The following SPOCK3 variants were observed in gnomAD, a reference collection of about 807,000 sequenced individuals.
The protein encoded by SPOCK3 is SPARC (osteonectin), cwcv and kazal like domains proteoglycan 3, also known as testican-3.
A neutral mutation model predicts 56.6 loss-of-function variants in SPOCK3; 30 were observed. The observed-to-expected ratio is 0.53, with a 90% confidence interval of 0.40 to 0.72. The LOEUF (loss-of-function observed/expected upper bound fraction) is 0.72. Ranked by LOEUF, SPOCK3 falls within the 30% of genes least tolerant of loss-of-function variation. The pLI, the probability that SPOCK3 is intolerant of heterozygous loss-of-function variation, is 0.00. For missense variants in SPOCK3, 527 were observed against 530.0 expected (o/e 0.99, Z 0.06); for synonymous variants, 196 against 183.3 (o/e 1.07, Z -0.56).
Position 166,800,933 on chromosome 4 carries a change from C to T in SPOCK3, c.590-8644G>A, listed in dbSNP as rs947051996. Among the ~76,000 whole-genome samples the T allele has an allele frequency of 7.9e-5, 12 of 152,216 alleles. No individual in the cohort carries two copies. In the East Asian group the frequency reaches 2.3e-3, roughly 29 times the overall value. ...TCATTCATGGTAAACGTCCTATATA[C>T]ATGTATCATTTTTAATCTTTTATAC... On this transcript the variant is annotated intron_variant, in intron 6 of 10. Transcript: ENST00000357545.
At chr4:166,954,994 A>C (rs898068962) in intron 4 of SPOCK3, among the ~76,000 whole-genome samples, 1 of 152,204 alleles carries the variant, frequency 6.6e-6, no homozygotes, top group Non-Finnish European at 1.5e-5. Flanking sequence ...AATTCACAGC[A>C]AAAACTTACA....
At chr4:166,853,331 CTAAATGGTT>C (rs1183548954) in intron 6 of SPOCK3, among the ~76,000 whole-genome samples, 1 of 152,062 alleles carries the variant, frequency 6.6e-6, no homozygotes, top group Non-Finnish European at 1.5e-5. Flanking sequence ...AGACTTTTTT[CTAAATGGTT>C]TACATCAATT....
chr4:167,122,446 A>T (rs1481469892), intron 2 of SPOCK3, among the ~76,000 whole-genome samples: 1 of 152,178 alleles, frequency 6.6e-6, no homozygotes. Context: ...TTTTGCTATT[A>T]TATTGCACTA....
At chr4:167,038,482 A>G (rs2150195625) in intron 3 of SPOCK3, among the ~76,000 whole-genome samples, 1 of 152,138 alleles carries the variant, frequency 6.6e-6, no homozygotes, top group East Asian at 1.9e-4. Context: ...CATTCCCGTG[A>G]TTCACTCCAC....
At chr4:166,783,941 C>T (rs1210290630) in intron 7 of SPOCK3, among the ~76,000 whole-genome samples, 3 of 151,848 alleles carry the variant, frequency 2.0e-5, no homozygotes, top group African/African-American at 7.3e-5. Flanking sequence ...TATTTTTCTG[C>T]AGATTTCTTA....
At chr4:166,828,100 C>T (rs1223655877) in intron 6 of SPOCK3, among the ~76,000 whole-genome samples, 1 of 151,912 alleles carries the variant, frequency 6.6e-6, no homozygotes, top group Admixed American at 6.6e-5. Flanking sequence ...TAATTACAAG[C>T]TTAATTAGTT....
At chr4:166,837,251 A>T (rs1746717040) in intron 6 of SPOCK3, among the ~76,000 whole-genome samples, 1 of 152,182 alleles carries the variant, frequency 6.6e-6, no homozygotes, top group East Asian at 1.9e-4. Flanking sequence ...TAGACACACC[A>T]GCTTTAGCCA....
At chr4:167,196,594 C>G (rs1472862480) in intron 2 of SPOCK3, among the ~76,000 whole-genome samples, 1 of 151,930 alleles carries the variant, frequency 6.6e-6, no homozygotes, top group East Asian at 1.9e-4. Context: ...CAAGATGAAT[C>G]ATCTGTCTGA....
intron 2 of SPOCK3, among the ~76,000 whole-genome samples, chr4:167,089,587 C>G (rs1311909833): frequency 6.6e-6 from 1 of 152,006 alleles, no homozygotes; most frequent in Non-Finnish European, 1.5e-5. Context: ...TTTTTAACCC[C>G]ACAAATCAGA....
At chr4:167,044,264 A>T (rs1753512415) in intron 3 of SPOCK3, among the ~76,000 whole-genome samples, 1 of 152,060 alleles carries the variant, frequency 6.6e-6, no homozygotes, top group South Asian at 2.1e-4. Context: ...TATCCTTTTA[A>T]TGTTCATGAA....
At chr4:167,002,929 T>G (rs950735351) in intron 3 of SPOCK3, among the ~76,000 whole-genome samples, 6 of 152,220 alleles carry the variant, frequency 3.9e-5, no homozygotes, top group Admixed American at 1.3e-4. Flanking sequence ...CTGTACTATA[T>G]GTACATATAT....
At chr4:167,196,148 A>G (rs1311400841) in intron 2 of SPOCK3, among the ~76,000 whole-genome samples, 1 of 152,188 alleles carries the variant, frequency 6.6e-6, no homozygotes, top group Non-Finnish European at 1.5e-5. Flanking sequence ...TTTGCAACCA[A>G]TTTGTATTCA....
intron 3 of SPOCK3, among the ~76,000 whole-genome samples, chr4:167,033,011 T>G (rs573293938): frequency 1.1e-4 from 17 of 152,134 alleles, no homozygotes; most frequent in African/African-American, 4.1e-4. Flanking sequence ...TAATTGTTCA[T>G]GCTTAGCAGA....
intron 2 of SPOCK3, among the ~76,000 whole-genome samples, chr4:167,082,546 A>G (rs1463355306): frequency 6.6e-6 from 1 of 152,046 alleles, no homozygotes; most frequent in African/African-American, 2.4e-5. Context: ...ATACTCAAGG[A>G]CATACGAGCA....
chr4:166,797,697 G>T (rs1190231657), intron 6 of SPOCK3, among the ~76,000 whole-genome samples: 1 of 151,710 alleles, frequency 6.6e-6, no homozygotes, highest in African/African-American at 2.4e-5. Context: ...TGCCAATTTT[G>T]TAAATGCAGA....
At chr4:167,162,400 C>G (rs1236033978) in intron 2 of SPOCK3, among the ~76,000 whole-genome samples, 2 of 152,134 alleles carry the variant, frequency 1.3e-5, no homozygotes, top group Non-Finnish European at 2.9e-5. Context: ...TCATTTAACA[C>G]TTGAACAACA....
chr4:167,166,181 A>G (rs1765744979), intron 2 of SPOCK3, among the ~76,000 whole-genome samples: 1 of 152,098 alleles, frequency 6.6e-6, no homozygotes, highest in African/African-American at 2.4e-5. Context: ...TTCCTTTGAT[A>G]TTGTAGAGAA....
At chr4:167,197,019 A>G (rs1325929779) in intron 2 of SPOCK3, among the ~76,000 whole-genome samples, 2 of 152,168 alleles carry the variant, frequency 1.3e-5, no homozygotes, top group Non-Finnish European at 2.9e-5. Context: ...GTTGAGAAGC[A>G]TATCACAGTT....
intron 2 of SPOCK3, among the ~76,000 whole-genome samples, chr4:167,106,487 A>G (rs1055046238): frequency 2.0e-4 from 30 of 151,976 alleles, no homozygotes; most frequent in African/African-American, 6.7e-4. Flanking sequence ...TAGCAAAGGC[A>G]GTACTAAGAG....
Sources: gnomAD v4.1 joint callset for allele counts (sites outside exome capture counted in the v4.1 genomes callset) on GRCh38, gnomAD v4.1.1 for gene constraint, MANE v1.5 for transcripts, NCBI Gene and HGNC (gene_info 2026-07-23, HGNC 2026-07-21) for gene names.